The following NPLOC4 variants were observed in gnomAD, a reference collection of about 807,000 sequenced individuals.
The protein encoded by NPLOC4 is NPL4 homolog, ubiquitin recognition factor, also known as nuclear protein localization protein 4 homolog.
Under a neutral mutation model 80.6 loss-of-function variants are expected in NPLOC4, and 18 were observed. The observed-to-expected ratio is 0.22, with a 90% CI of 0.15 to 0.33. The LOEUF is 0.33. Among genes scored for constraint, NPLOC4 ranks in the 10% least tolerant of loss-of-function variants. NPLOC4 has a pLI of 1.00. For synonymous variants in NPLOC4, 313 were observed against 301.5 expected, an observed-to-expected ratio of 1.04 and a Z score of -0.39; for missense variants, 540 against 786.1, an observed-to-expected ratio of 0.69 and a Z score of 3.74.
intron 7 of NPLOC4, among the ~76,000 whole-genome samples, chr17:81,604,981 C>T (rs920428534): frequency 6.6e-6 from 1 of 152,062 alleles, no homozygotes; most frequent in Non-Finnish European, 1.5e-5. Context: ...AACATCTGGG[C>T]TGGGCGCAGT....
chr17:81,631,243 G>A (rs997751895), intron 1 of NPLOC4, among the ~76,000 whole-genome samples: 9 of 149,056 alleles, frequency 6.0e-5, no homozygotes, highest in African/African-American at 1.7e-4. Context: ...AATTTAGTAG[G>A]GTTTTGAAAA....
At chr17:81,617,877 T>C (rs1050807743) in intron 3 of NPLOC4, among the ~76,000 whole-genome samples, 2 of 152,194 alleles carry the variant, frequency 1.3e-5, no homozygotes, top group Non-Finnish European at 2.9e-5. Context: ...GCCGGGCTGG[T>C]CTCCAGCTCC....
At position 81,637,030 on chromosome 17, in the gene NPLOC4, C is replaced by A; in HGVS notation, c.-100G>T. 2.8e-6 allele frequency: 2 copies of A among 717,076 alleles called. No individual in the cohort carries two copies. The highest frequency in any genetic ancestry group is 1.9e-5 in the African/African-American group (1 of 53,568). 44.4% of individuals were successfully genotyped at this position (717,076 alleles called of 1,614,324 possible). The stretch of plus-strand genomic sequence containing the variant: ...CCGCGGCCTCAGCCCCGGCCCCGGC[C>A]TCCCTACGCCGCCGCCACCGCCGCT... On this transcript the variant is annotated 5_prime_UTR_variant, in exon 1 of 17. In the 5' UTR this introduces an upstream ATG that the reference lacks. Coordinates refer to ENST00000331134, the MANE Select transcript of NPLOC4 (RefSeq NM_017921.4).
At chr17:81,636,302 C>T (rs2036070431) in intron 1 of NPLOC4, 1 of 152,196 alleles carries the variant, frequency 6.6e-6, no homozygotes, top group Non-Finnish European at 1.5e-5. Context: ...AAAGTGAAAT[C>T]AACATCATTT....
At chr17:81,587,660 C>A (rs796813821) in intron 12 of NPLOC4, among the ~76,000 whole-genome samples, 83 of 111,356 alleles carry the variant, frequency 7.5e-4, no homozygotes, top group Admixed American at 1.6e-3. Flanking sequence ...AAAAAAGAAA[C>A]AAAGAAAAAA....
chr17:81,608,708 G>A lies in NPLOC4; in HGVS notation c.530+20C>T, dbSNP rs755947316. On this transcript the variant is annotated intron_variant, in intron 6 of 16. Coordinates refer to ENST00000331134, the MANE Select transcript of NPLOC4 (RefSeq NM_017921.4). The stretch of plus-strand genomic sequence containing the variant: ...ACAAAAAGGAATTTACGCACAACCA[G>A]GTTACAGCAAGTTGCTTACTTGTCA... The A allele has an allele frequency of 2.6e-6, 4 of 1,553,796 alleles. No individual in the cohort carries two copies. Among genetic ancestry groups the A allele is most frequent in the Non-Finnish European group, 3.5e-6 (4 of 1,143,928 alleles).
intron 5 of NPLOC4, 33 bp from the exon 6 acceptor site, chr17:81,608,855 C>G (rs1230497568): frequency 1.3e-6 from 2 of 1,521,584 alleles, no homozygotes; most frequent in Non-Finnish European, 1.8e-6. Context: ...AGTGCAGTCT[C>G]ACACGTGCCG....
At chr17:81,563,872 C>G in intron 16 of NPLOC4, 1 of 452,934 alleles carries the variant, frequency 2.2e-6, no homozygotes, top group Non-Finnish European at 4.4e-6. Context: ...AAACCAAATA[C>G]TACATGTTTT....
chr17:81,581,408 GAAAGCCAGCCCCTTGTC>G (rs1207789937), intron 12 of NPLOC4, among the ~76,000 whole-genome samples: 2 of 118,778 alleles, frequency 1.7e-5, no homozygotes, highest in East Asian at 5.2e-4. Flanking sequence ...CAAAAGAACT[GAAAGCCAGCCCCTTGTC>G]AAAGTGCCCA....
At chr17:81,629,645 G>A (rs998064859) in intron 2 of NPLOC4, 80 bp downstream of exon 2, 33 of 1,091,744 alleles carry the variant, frequency 3.0e-5, no homozygotes, top group African/African-American at 2.5e-4. Context: ...AAGAAAACGA[G>A]GAAAAGAGAA....
chr17:81,567,437 T>C lies in NPLOC4; in HGVS notation c.1546A>G (p.Asn516Asp). 1 of 1,612,252 alleles carries C rather than the reference T, an allele frequency of 6.2e-7. No individual in the cohort carries two copies. Among genetic ancestry groups the C allele is most frequent in the Non-Finnish European group, 8.5e-7 (1 of 1,178,554 alleles). Residue 516 changes from asparagine to aspartate, a missense_variant, in exon 15 of 17, where the codon AAT (asparagine) becomes GAT (aspartate). Physicochemically the swap from Asn to Asp is conservative, Grantham distance 23. Around this residue, in one of 6 missense-constraint regions of NPLOC4, gnomAD observed 251 missense variants for 377.5 expected, o/e 0.66. Coordinates refer to ENST00000331134, the MANE Select transcript of NPLOC4 (RefSeq NM_017921.4). The surrounding 1 kb of genome is among the most constrained non-coding windows in gnomAD (Gnocchi z 4.5). ...DFHLLLFLVTNEVMPLQDSIS... is the reference protein window; with the variant it reads ...DFHLLLFLVTDEVMPLQDSIS... The stretch of plus-strand genomic sequence containing the variant: ...CGCACCTGCAGAGGCATAACTTCAT[T>C]GGTGACCAGGAACAGCAAGAGGTGG...
intron 8 of NPLOC4, among the ~76,000 whole-genome samples, chr17:81,604,214 G>A (rs1230589721): frequency 2.0e-5 from 3 of 152,124 alleles, no homozygotes; most frequent in African/African-American, 7.2e-5. Flanking sequence ...GCTGCATGGT[G>A]GAAGAGACAC....
chr17:81,619,103 G>A lies in NPLOC4; in HGVS notation c.209+3063C>T, dbSNP rs1213759752. The stretch of plus-strand genomic sequence containing the variant: ...GGGTCCTCTGCCTAGGAAAACCAGA[G>A]ACCTTTGTTCACTTGTTTGGCTGCT... On this transcript the variant is annotated intron_variant, in intron 3 of 16. Coordinates refer to ENST00000331134, the MANE Select transcript of NPLOC4 (RefSeq NM_017921.4). Among the ~76,000 whole-genome samples the A allele has an allele frequency of 2.0e-5, 3 of 151,648 alleles. No individual in the cohort carries two copies. The East Asian group carries it at 5.8e-4, about 29-fold the overall frequency.
intron 7 of NPLOC4, 97 bp from the exon 8 acceptor site, chr17:81,604,824 G>T: frequency 8.5e-7 from 1 of 1,179,964 alleles, no homozygotes; most frequent in Non-Finnish European, 1.2e-6. Context: ...CTTTTACCTA[G>T]TTCTTTAAAA....
At chr17:81,622,122 C>G (rs2035685847) in intron 3 of NPLOC4, 44 bp downstream of exon 3, 1 of 1,411,018 alleles carries the variant, frequency 7.1e-7, no homozygotes. Context: ...TCATGGGGAC[C>G]TCATTTCCCC....
chr17:81,602,381 TA>T (rs1028499724), intron 8 of NPLOC4, among the ~76,000 whole-genome samples: 44 of 143,846 alleles, frequency 3.1e-4, no homozygotes, highest in South Asian at 1.1e-3. Context: ...CCTCCCTGTA[TA>T]AAAAAAAAAA....
At chr17:81,634,445 G>T (rs1270149265) in intron 1 of NPLOC4, among the ~76,000 whole-genome samples, 1 of 117,902 alleles carries the variant, frequency 8.5e-6, no homozygotes, top group Non-Finnish European at 1.7e-5. Context: ...ATACACTAGT[G>T]GGAAAAAAAA....
In NPLOC4 at chr17:81,572,026, G is replaced by A. The variant is rs758551563; in HGVS notation, c.1344C>T (p.Leu448=). The part of the protein sequence containing the change: ...QLARPLPVEY[L]IIDITTTFPK... ...CATGGGGGGCACTTACGTCTATGAT[G>A]AGATACTCCACAGGCAGGGGCCGGG... Residue 448 remains leucine, a synonymous_variant, in exon 13 of 17, where the codon CTC becomes CTT. Transcript: ENST00000331134. This position sits in a 1 kb window ranked among gnomAD's most constrained non-coding sequence, Gnocchi z 4.5. 7 of 1,603,164 alleles carry A rather than the reference G, an allele frequency of 4.4e-6. No individual in the cohort carries two copies. The South Asian group carries it at 7.8e-5, about 18-fold the overall frequency.
At chr17:81,587,450 G>C (rs1190504023) in intron 12 of NPLOC4, among the ~76,000 whole-genome samples, 1 of 151,574 alleles carries the variant, frequency 6.6e-6, no homozygotes, top group African/African-American at 2.4e-5. Context: ...CGAGTAGCTG[G>C]AACTACAGGC....
Sources: allele counts gnomAD v4.1 joint callset (sites outside exome capture counted in the v4.1 genomes callset), GRCh38; gene constraint gnomAD v4.1.1; regional missense constraint gnomAD v4.1.1; non-coding constraint Gnocchi (gnomAD v3.1); transcripts MANE v1.5; gene names NCBI Gene and HGNC (gene_info 2026-07-23, HGNC 2026-07-21).